Variants in GALK2 observed in about 807,000 individuals in gnomAD.
GALK2 encodes galactokinase 2.
A neutral mutation model predicts 52.4 loss-of-function variants in GALK2; 36 were observed. That is an observed-to-expected ratio of 0.69 (90% CI 0.53 to 0.91). GALK2 has a LOEUF of 0.91. Among genes scored for constraint, GALK2 ranks in the 40% least tolerant of loss-of-function variants. The pLI, the probability that GALK2 is intolerant of heterozygous loss-of-function variation, is 0.00. For missense variants in GALK2, 579 were observed against 559.1 expected, an observed-to-expected ratio of 1.04 and a Z score of -0.36; for synonymous variants, 176 against 199.1, an observed-to-expected ratio of 0.88 and a Z score of 0.98.
At chr15:49,293,006 A>C (rs983567692) in intron 8 of GALK2, among the ~76,000 whole-genome samples, 4 of 152,188 alleles carry the variant, frequency 2.6e-5, no homozygotes, top group Non-Finnish European at 5.9e-5. Flanking sequence ...TACCAATAAC[A>C]TCAGAAACTG....
At chr15:49,233,962 A>G (rs559813392) in intron 3 of GALK2, among the ~76,000 whole-genome samples, 1 of 152,242 alleles carries the variant, frequency 6.6e-6, no homozygotes, top group African/African-American at 2.4e-5. Flanking sequence ...TTATATTCCC[A>G]TGCATGCTTT....
At chr15:49,256,451 A>C (rs572599051) in intron 5 of GALK2, among the ~76,000 whole-genome samples, 1 of 152,276 alleles carries the variant, frequency 6.6e-6, no homozygotes, top group Non-Finnish European at 1.5e-5. Flanking sequence ...TGTTGATGGA[A>C]CCATCATTTG....
chr15:49,258,003 C>G (rs1411464764), intron 5 of GALK2, among the ~76,000 whole-genome samples: 1 of 149,546 alleles, frequency 6.7e-6, no homozygotes, highest in African/African-American at 2.5e-5. Context: ...GAAAATTATC[C>G]ATAATCTTAT....
At chr15:49,264,894 C>T (rs190376882) in intron 5 of GALK2, among the ~76,000 whole-genome samples, 9,637 of 152,166 alleles carry the variant, frequency 0.063, 1,047 homozygotes, top group African/African-American at 0.22. Context: ...AGCGGATTTT[C>T]GTGAACCGCG....
intron 3 of GALK2, among the ~76,000 whole-genome samples, chr15:49,357,752 T>C (rs1377350592): frequency 6.6e-6 from 1 of 152,026 alleles, no homozygotes; most frequent in Non-Finnish European, 1.5e-5. Flanking sequence ...CCAGCATCAT[T>C]CTGATACCAA....
chr15:49,292,397 G>A lies in GALK2; in HGVS notation c.827G>A (p.Gly276Glu). 6.2e-7 allele frequency: 1 copy of A among 1,613,918 alleles called. No individual in the cohort carries two copies. The highest frequency in any genetic ancestry group is 8.5e-7 in the Non-Finnish European group (1 of 1,179,884). ...CTGGAGGAGGTGCAGGCTAAACTAG[G>A]GATTAGTCTAGAAGAAATGCTGTTG... ...LRLEEVQAKL[G>E]ISLEEMLLVT... The change falls in exon 8 of 10, where the codon GGG becomes GAG. Residue 276 changes from glycine to glutamate, a missense_variant. Physicochemically the swap from Gly to Glu is moderately conservative, Grantham distance 98 (BLOSUM62 -2). Coordinates refer to ENST00000560031, the MANE Select transcript of GALK2 (RefSeq NM_002044.4).
chr15:49,237,511 C>T (rs976123243), intron 4 of GALK2, among the ~76,000 whole-genome samples: 1 of 152,008 alleles, frequency 6.6e-6, no homozygotes, highest in Non-Finnish European at 1.5e-5. Flanking sequence ...GAGTCTTGCT[C>T]TGTCGCCCAG....
At chr15:49,327,846 G>A in intron 9 of GALK2, 106 bp from the exon 10 acceptor site, 1 of 1,044,538 alleles carries the variant, frequency 9.6e-7, no homozygotes, top group Admixed American at 2.6e-5. Context: ...AACCCCGCAT[G>A]TATTTTCTTC....
chr15:49,285,586 T>A (rs966835253), intron 7 of GALK2, among the ~76,000 whole-genome samples: 89 of 152,260 alleles, frequency 5.8e-4, no homozygotes, highest in African/African-American at 2.0e-3. Context: ...GCTCCAAACC[T>A]CTATATCCCA....
intron 8 of GALK2, among the ~76,000 whole-genome samples, chr15:49,304,340 C>T (rs1442089145): frequency 6.6e-6 from 1 of 152,162 alleles, no homozygotes; most frequent in Non-Finnish European, 1.5e-5. Flanking sequence ...ATTTCAAAGT[C>T]TCAGTGGCTT....
At chr15:49,247,132 C>T (rs2091391049) in intron 5 of GALK2, among the ~76,000 whole-genome samples, 1 of 151,874 alleles carries the variant, frequency 6.6e-6, no homozygotes, top group African/African-American at 2.4e-5. Context: ...GAAAGAGTGT[C>T]AGAGGGAACA....
At chr15:49,338,076 C>G (rs2040066952) in intron 3 of GALK2, among the ~76,000 whole-genome samples, 1 of 152,134 alleles carries the variant, frequency 6.6e-6, no homozygotes, top group Non-Finnish European at 1.5e-5. Context: ...TGAGGAATTG[C>G]CACATTGTCT....
At chr15:49,201,360 G>A (rs983615782) in intron 2 of GALK2, 110 bp downstream of exon 2, 1 of 599,970 alleles carries the variant, frequency 1.7e-6, no homozygotes, top group Non-Finnish European at 2.9e-6. Context: ...TATTTCACAT[G>A]TATCTACTAA....
rs573842028 is a variant in GALK2, at chr15:49,319,620, C to G, written c.984C>G (p.Leu328=). 1.1e-5 allele frequency: 18 copies of G among 1,614,190 alleles called. No individual in the cohort carries two copies. The highest frequency in any genetic ancestry group is 7.7e-5 in the South Asian group (7 of 91,050). The change falls in exon 9 of 10, where the codon CTC becomes CTG. Residue 328 remains leucine, a synonymous_variant. Coordinates refer to ENST00000560031, the MANE Select transcript of GALK2 (RefSeq NM_002044.4). ...PNTQDVLIFK[L]YQRAKHVYSE... is the part of the protein sequence containing the mutation. ...CTTCCTCAGTGCTCATCTTCAAACTCTATCAGCGGGCAAAGCATGTGTACA... is the reference window on the plus strand; with the variant it reads ...CTTCCTCAGTGCTCATCTTCAAACTGTATCAGCGGGCAAAGCATGTGTACA...
chr15:49,351,180 C>T (rs1277361907), intron 3 of GALK2, among the ~76,000 whole-genome samples: 3 of 152,126 alleles, frequency 2.0e-5, no homozygotes, highest in South Asian at 2.1e-4. Context: ...ATAAGAACTG[C>T]ATAGGCACAG....
chr15:49,265,288 C>T (rs1023427666), intron 5 of GALK2, among the ~76,000 whole-genome samples: 6 of 152,214 alleles, frequency 3.9e-5, no homozygotes, highest in African/African-American at 2.4e-5. Context: ...GCGCGCCCTC[C>T]CCCAGCCTGG....
intron 8 of GALK2, among the ~76,000 whole-genome samples, chr15:49,314,023 T>TAA (rs574878029): frequency 3.5e-4 from 54 of 152,336 alleles, no homozygotes; most frequent in African/African-American, 1.3e-3. Flanking sequence ...CCTCAGAGCT[T>TAA]AAAGTGGCGC....
At chr15:49,335,259 A>G (rs959953640), downstream of GALK2, among the ~76,000 whole-genome samples, 3 of 152,104 alleles carry the variant, frequency 2.0e-5, no homozygotes, top group Non-Finnish European at 2.9e-5. Flanking sequence ...GTTACAACAT[A>G]CACCCTTGAC....
rs370698577 is a variant in GALK2 at position 49,217,279 on chromosome 15, G to C, written c.232G>C (p.Ala78Pro). ...AGCTGTAGAACCTGTGAAAACGTAC[G>C]CTCTCCAACTGGCCAATACAAATCC... ...LIAVEPVKTY[A>P]LQLANTNPLY... The change falls in exon 3 of 10, where the codon GCT (alanine) becomes CCT (proline). Residue 78 changes from alanine (A) to proline (P), a missense_variant. Coordinates refer to ENST00000560031, the MANE Select transcript of GALK2 (RefSeq NM_002044.4). 14 of 1,613,694 alleles carry C rather than the reference G, an allele frequency of 8.7e-6. No homozygotes were observed. Among genetic ancestry groups the C allele is most frequent in the Admixed American group, 1.7e-5 (1 of 59,998 alleles).
Sources: gnomAD v4.1 joint callset for allele counts (sites outside exome capture counted in the v4.1 genomes callset) on GRCh38, gnomAD v4.1.1 for gene constraint, MANE v1.5 for transcripts, NCBI Gene and HGNC (gene_info 2026-07-23, HGNC 2026-07-21) for gene names.